The following CMC2 variants were observed in gnomAD, a reference collection of about 807,000 sequenced individuals.
The protein encoded by CMC2 is C-X9-C motif containing 2.
Under a neutral mutation model 7.5 loss-of-function variants are expected in CMC2, and 5 were observed. The observed-to-expected ratio is 0.66, with a 90% CI of 0.35 to 1.40. CMC2 has a LOEUF of 1.40. CMC2 is among the 40% of genes most tolerant of loss of function. The probability of loss-of-function intolerance (pLI) is 0.04; values close to 1 mark genes in which losing one functional copy is unlikely to be tolerated. For synonymous variants in CMC2, 37 were observed against 31.4 expected, an observed-to-expected ratio of 1.18 and a Z score of -0.60; for missense variants, 115 against 92.3, an observed-to-expected ratio of 1.25 and a Z score of -1.01.
At chr16:80,985,566 CAATA>C (rs1967454621) in intron 2 of CMC2, among the ~76,000 whole-genome samples, 1 of 151,816 alleles carries the variant, frequency 6.6e-6, no homozygotes, top group Non-Finnish European at 1.5e-5. Context: ...ATTTCTAATC[CAATA>C]AATATTGTAG....
rs560426954 is a variant in CMC2, at chr16:80,974,570, C to T, written c.*1523G>A. 5.1e-4 allele frequency: 77 copies of T among 152,344 alleles called. No homozygotes were observed. Among genetic ancestry groups the T allele is most frequent in the African/African-American group, 1.8e-3 (74 of 41,576 alleles). 9.4% of individuals were successfully genotyped at this position (152,344 alleles called of 1,614,324 possible). On this transcript the variant is annotated 3_prime_UTR_variant, in exon 4 of 4. Coordinates refer to ENST00000219400, the MANE Select transcript of CMC2 (RefSeq NM_020188.5). ...CGCCTCAGAATGTATCCCATTTTCA[C>T]TCATTTGTCAAAGGTCATCTTTGCT...
At chr16:80,982,127 T>A (rs1443243540) in intron 2 of CMC2, among the ~76,000 whole-genome samples, 1 of 151,796 alleles carries the variant, frequency 6.6e-6, no homozygotes, top group African/African-American at 2.4e-5. Context: ...TTGGAACAAT[T>A]AAAAAAAACC....
intron 3 of CMC2, among the ~76,000 whole-genome samples, chr16:80,981,405 G>T (rs143915994): frequency 6.6e-6 from 1 of 152,128 alleles, no homozygotes; most frequent in African/African-American, 2.4e-5. Context: ...AAATGTTAAA[G>T]CTGAAAACAG....
chr16:81,005,041 A>G (rs949612856), intron 1 of CMC2, among the ~76,000 whole-genome samples: 1 of 152,262 alleles, frequency 6.6e-6, no homozygotes, highest in Non-Finnish European at 1.5e-5. Context: ...CTACTGCAAA[A>G]TAAGCAAAAA....
Position 81,002,660 on chromosome 16 carries a change from C to G in CMC2, c.-36+4074G>C, listed in dbSNP as rs535308414. On this transcript the variant is annotated intron_variant, in intron 1 of 3. Coordinates refer to ENST00000219400, the MANE Select transcript of CMC2 (RefSeq NM_020188.5). ...TAATAGATGCAAAGATGTATATAAG[C>G]CTAAGTACATAAAATGGTACATATT... is the stretch of plus-strand genomic sequence containing the variant. 9.9e-5 allele frequency among the ~76,000 whole-genome samples: 15 copies of G among 152,184 alleles called. No individual in the cohort carries two copies. The South Asian group carries it at 3.1e-3, about 32-fold the overall frequency.
intron 1 of CMC2, among the ~76,000 whole-genome samples, chr16:81,005,312 T>C (rs1192801058): frequency 2.6e-5 from 4 of 152,096 alleles, no homozygotes; most frequent in African/African-American, 9.7e-5. Context: ...CTCAGGAGGT[T>C]GAGGCACGAG....
In CMC2 at chr16:80,974,898, A is replaced by T. The variant is rs139796277; in HGVS notation, c.*1195T>A. 1 of 152,260 alleles carries T rather than the reference A, an allele frequency of 6.6e-6. No homozygotes were observed. Among genetic ancestry groups the T allele is most frequent in the Non-Finnish European group, 1.5e-5 (1 of 68,050 alleles). The allele number at this position is 152,260 out of a possible 1,614,324, so 9.4% of individuals were successfully genotyped here. ...TGCTCTGTAATCGACGTACTGAGCGAAAGTCCAGCTTCTTGAATACCTCCT... is the reference window on the plus strand; with the variant it reads ...TGCTCTGTAATCGACGTACTGAGCGTAAGTCCAGCTTCTTGAATACCTCCT... On this transcript the variant is annotated 3_prime_UTR_variant, in exon 4 of 4. Transcript: ENST00000219400.
At chr16:81,002,124 G>C (rs537751979) in intron 1 of CMC2, among the ~76,000 whole-genome samples, 1 of 152,232 alleles carries the variant, frequency 6.6e-6, no homozygotes, top group South Asian at 2.1e-4. Context: ...TTTTCCTAAA[G>C]AAAACATACA....
chr16:80,981,932 G>T, intron 2 of CMC2, 55 bp from the exon 3 acceptor site: 1 of 1,169,732 alleles, frequency 8.5e-7, no homozygotes, highest in Non-Finnish European at 1.3e-6. Context: ...CAAGGTTTGG[G>T]GCACATAAAA....
At chr16:80,978,054 A>T (rs1912642053) in intron 3 of CMC2, among the ~76,000 whole-genome samples, 1 of 148,624 alleles carries the variant, frequency 6.7e-6, no homozygotes, top group East Asian at 2.0e-4. Flanking sequence ...CCTGGGTGAC[A>T]AGAGTGAGAC....
At chr16:80,984,264 G>C (rs1238509654) in intron 2 of CMC2, among the ~76,000 whole-genome samples, 1 of 152,218 alleles carries the variant, frequency 6.6e-6, no homozygotes, top group Non-Finnish European at 1.5e-5. Flanking sequence ...GGGTCAGACA[G>C]CATGGTGATC....
chr16:80,970,910 G>C lies in CMC2; in HGVS notation c.*5183C>G, dbSNP rs1181673490. On this transcript the variant is annotated 3_prime_UTR_variant, in exon 4 of 4. Coordinates refer to ENST00000219400, the MANE Select transcript of CMC2 (RefSeq NM_020188.5). ...CACAAATCTAGCAAAAGATGTATAAGAACACTATTTTAAAAATCATAAAAT... is the reference window on the plus strand; with the variant it reads ...CACAAATCTAGCAAAAGATGTATAACAACACTATTTTAAAAATCATAAAAT... 6.6e-6 allele frequency: 1 copy of C among 152,110 alleles called. No individual in the cohort carries two copies. The highest frequency in any genetic ancestry group is 1.9e-4 in the East Asian group (1 of 5,196). The allele number at this position is 152,110 out of a possible 1,614,324, so 9.4% of individuals were successfully genotyped here.
rs970116638 is a variant in CMC2 at position 80,974,278 on chromosome 16, C to G, written c.*1815G>C. On this transcript the variant is annotated 3_prime_UTR_variant, in exon 4 of 4. Coordinates refer to ENST00000219400, the MANE Select transcript of CMC2 (RefSeq NM_020188.5). Reference sequence around the variant, plus strand: ...CCCTCATTTCTCACTCAAGTTAGCACAAAAACCTAATTGCTCTCCTTGGGC... The same window carrying G: ...CCCTCATTTCTCACTCAAGTTAGCAGAAAAACCTAATTGCTCTCCTTGGGC... 6.6e-6 allele frequency: 1 copy of G among 152,332 alleles called. No individual in the cohort carries two copies. Among genetic ancestry groups the G allele is most frequent in the African/African-American group, 2.4e-5 (1 of 41,568 alleles). The allele number at this position is 152,332 out of a possible 1,614,324, so 9.4% of individuals were successfully genotyped here. A position where few individuals can be genotyped will look rare whatever the true frequency, so the allele number is the denominator to read the frequency against.
At chr16:80,981,729 A>T in intron 3 of CMC2, 77 bp downstream of exon 3, 1 of 857,714 alleles carries the variant, frequency 1.2e-6, no homozygotes, top group Non-Finnish European at 1.8e-6. Context: ...AAAATTCAAT[A>T]ATGGCAGTAA....
At chr16:80,976,328 T>C (rs955236394) in intron 3 of CMC2, 149 bp from the exon 4 acceptor site, 7 of 572,222 alleles carry the variant, frequency 1.2e-5, no homozygotes, top group Middle Eastern at 4.1e-4. Flanking sequence ...ACTGACAAAA[T>C]TCTTATCTTT....
intron 2 of CMC2, among the ~76,000 whole-genome samples, chr16:80,995,473 T>C (rs1479898795): frequency 6.6e-6 from 1 of 151,944 alleles, no homozygotes; most frequent in Non-Finnish European, 1.5e-5. Context: ...CTGCCCAACA[T>C]GGTGAAACTC....
At position 80,976,790 on chromosome 16, in the gene CMC2, T is replaced by A. The variant is rs568080175; in HGVS notation, c.154-611A>T. ...ACCTTTTATTTCTTCTTGTCTGCTA[T>A]AATTTTCAAACATTTAATTACAGAT... On this transcript the variant is annotated intron_variant, in intron 3 of 3. Coordinates refer to ENST00000219400, the MANE Select transcript of CMC2 (RefSeq NM_020188.5). Among the ~76,000 whole-genome samples the A allele has an allele frequency of 4.6e-5, 7 of 152,246 alleles. No individual in the cohort carries two copies. The East Asian group carries it at 1.3e-3, about 29-fold the overall frequency.
chr16:80,976,947 C>T (rs1308559757), intron 3 of CMC2, among the ~76,000 whole-genome samples: 3 of 151,812 alleles, frequency 2.0e-5, no homozygotes, highest in Non-Finnish European at 4.4e-5. Flanking sequence ...ATTAATGCCC[C>T]TTACCAAAAA....
intron 1 of CMC2, among the ~76,000 whole-genome samples, chr16:81,004,803 GAC>G (rs1281899221): frequency 2.0e-5 from 3 of 152,188 alleles, no homozygotes; most frequent in African/African-American, 4.8e-5. Context: ...AGTAGTCTAA[GAC>G]AGATTTCAAC....
Sources: gnomAD v4.1 joint callset for allele counts (sites outside exome capture counted in the v4.1 genomes callset) on GRCh38, gnomAD v4.1.1 for gene constraint, MANE v1.5 for transcripts, NCBI Gene and HGNC (gene_info 2026-07-23, HGNC 2026-07-21) for gene names.